NEGR1: variants seen among roughly 807,000 people sequenced by gnomAD.
The protein encoded by NEGR1 is neuronal growth regulator 1.
Under a neutral mutation model 40.9 loss-of-function variants are expected in NEGR1, and 10 were observed. The observed-to-expected ratio is 0.24, with a 90% CI of 0.15 to 0.42. The LOEUF is 0.42. Among genes scored for constraint, NEGR1 ranks in the 10% least tolerant of loss-of-function variants. The probability of loss-of-function intolerance (pLI) is 1.00; values close to 1 mark genes in which losing one functional copy is unlikely to be tolerated. For missense variants in NEGR1, 352 were observed against 438.9 expected, an observed-to-expected ratio of 0.80 and a Z score of 1.77; for synonymous variants, 185 against 166.8, an observed-to-expected ratio of 1.11 and a Z score of -0.84.
At chr1:72,248,415 G>A (rs957564334) in intron 1 of NEGR1, among the ~76,000 whole-genome samples, 3 of 151,528 alleles carry the variant, frequency 2.0e-5, no homozygotes, top group Admixed American at 6.6e-5. Context: ...TTGTCACCAC[G>A]CCTGGCTAAT....
At chr1:72,229,521 CA>C (rs1425060711) in intron 1 of NEGR1, among the ~76,000 whole-genome samples, 1 of 148,972 alleles carries the variant, frequency 6.7e-6, no homozygotes, top group Admixed American at 6.7e-5. Context: ...ATTTTTATTG[CA>C]AAAACAGCAT....
intron 1 of NEGR1, among the ~76,000 whole-genome samples, chr1:71,997,052 T>G (rs72680844): frequency 2.5e-4 from 38 of 152,082 alleles, no homozygotes; most frequent in Non-Finnish European, 1.8e-4. Flanking sequence ...ACAGTATTAA[T>G]GTCACCTCTA....
chr1:72,183,301 G>T (rs1342248076), intron 1 of NEGR1, among the ~76,000 whole-genome samples: 28 of 152,030 alleles, frequency 1.8e-4, no homozygotes, highest in Admixed American at 1.8e-3. Context: ...TGAGCATAGG[G>T]GTACTAGAAC....
At chr1:71,935,504 T>A (rs1047795051) in intron 1 of NEGR1, among the ~76,000 whole-genome samples, 193 bp from the exon 2 acceptor site, 1 of 148,626 alleles carries the variant, frequency 6.7e-6, no homozygotes, top group Non-Finnish European at 1.5e-5. Context: ...AATACTTGTG[T>A]ACAGTTTTTT....
chr1:71,847,210 G>A (rs896975019), intron 2 of NEGR1, among the ~76,000 whole-genome samples: 2 of 152,142 alleles, frequency 1.3e-5, no homozygotes, highest in Non-Finnish European at 1.5e-5. Context: ...GCTGTGTTGA[G>A]ATGAACTGTT....
intron 4 of NEGR1, among the ~76,000 whole-genome samples, chr1:71,689,009 C>A (rs1182412408): frequency 6.6e-6 from 1 of 152,080 alleles, no homozygotes; most frequent in Non-Finnish European, 1.5e-5. Context: ...TTCCAAATCC[C>A]ATTTTTGTCA....
chr1:72,070,672 T>C (rs1647424070), intron 1 of NEGR1, among the ~76,000 whole-genome samples: 1 of 151,968 alleles, frequency 6.6e-6, no homozygotes, highest in African/African-American at 2.4e-5. Context: ...TGAACATTAG[T>C]ATTGGCAATC....
chr1:72,129,367 C>CA (rs1650153508), intron 1 of NEGR1, among the ~76,000 whole-genome samples: 1 of 151,994 alleles, frequency 6.6e-6, no homozygotes, highest in African/African-American at 2.4e-5. Context: ...ATGCTAATGG[C>CA]AATATATAAC....
chr1:71,826,153 T>C (rs1658615342), intron 2 of NEGR1, among the ~76,000 whole-genome samples: 1 of 151,920 alleles, frequency 6.6e-6, no homozygotes, highest in African/African-American at 2.4e-5. Flanking sequence ...ATTGTTTGGA[T>C]TTTAGTTTCT....
At chr1:71,688,834 G>C (rs557305618) in intron 4 of NEGR1, among the ~76,000 whole-genome samples, 18 of 152,072 alleles carry the variant, frequency 1.2e-4, no homozygotes, top group Non-Finnish European at 1.5e-4. Context: ...AGTCATTCTT[G>C]TTGTTTTAAA....
intron 2 of NEGR1, among the ~76,000 whole-genome samples, chr1:71,835,625 G>A (rs1390771382): frequency 1.3e-5 from 2 of 152,018 alleles, no homozygotes; most frequent in South Asian, 4.1e-4. Flanking sequence ...TGTATATCAA[G>A]AAGTAATCAC....
intron 3 of NEGR1, among the ~76,000 whole-genome samples, chr1:71,734,580 A>T (rs1333967851): frequency 6.6e-6 from 1 of 152,134 alleles, no homozygotes; most frequent in Non-Finnish European, 1.5e-5. Flanking sequence ...AATTTTACTA[A>T]AGTAAAAATA....
intron 1 of NEGR1, among the ~76,000 whole-genome samples, chr1:71,937,776 G>A (rs1324027635): frequency 6.6e-6 from 1 of 152,124 alleles, no homozygotes; most frequent in African/African-American, 2.4e-5. Context: ...ACCTGTCCTA[G>A]TATAAAGGAA....
intron 1 of NEGR1, among the ~76,000 whole-genome samples, chr1:72,194,670 C>A (rs1251680768): frequency 6.6e-6 from 1 of 151,986 alleles, no homozygotes; most frequent in Non-Finnish European, 1.5e-5. Context: ...ATGTGAAGAT[C>A]TAGAAAGGAT....
chr1:72,035,912 C>T (rs1646897742), intron 1 of NEGR1, among the ~76,000 whole-genome samples: 1 of 152,030 alleles, frequency 6.6e-6, no homozygotes, highest in Non-Finnish European at 1.5e-5. Flanking sequence ...TCATATTTCC[C>T]CTTTCAGTTA....
intron 2 of NEGR1, among the ~76,000 whole-genome samples, chr1:71,822,245 C>G (rs1191699136): frequency 6.6e-6 from 1 of 151,800 alleles, no homozygotes; most frequent in African/African-American, 2.4e-5. Flanking sequence ...CTGTCACAGA[C>G]AAGGATGAAT....
At chr1:71,713,442 A>C (rs1654173154) in intron 3 of NEGR1, among the ~76,000 whole-genome samples, 1 of 152,218 alleles carries the variant, frequency 6.6e-6, no homozygotes, top group Admixed American at 6.5e-5. Flanking sequence ...AGGGAAATAT[A>C]CTTTTGATGT....
intron 6 of NEGR1, among the ~76,000 whole-genome samples, chr1:71,474,517 TACACACACACACACACACAC>T (rs57225665): frequency 8.7e-6 from 1 of 115,454 alleles, no homozygotes; most frequent in South Asian, 3.4e-4. Context: ...CTACTAACAA[TACACACACACACACACACAC>T]ACACACACAC....
At chr1:71,434,873 C>T (rs551767782) in intron 6 of NEGR1, among the ~76,000 whole-genome samples, 97 of 152,224 alleles carry the variant, frequency 6.4e-4, no homozygotes, top group South Asian at 2.1e-4. Context: ...GGGCGGATCA[C>T]GAGGTCAGGA....
Sources: gnomAD v4.1 joint callset for allele counts (sites outside exome capture counted in the v4.1 genomes callset) on GRCh38, gnomAD v4.1.1 for gene constraint, MANE v1.5 for transcripts, NCBI Gene and HGNC (gene_info 2026-07-23, HGNC 2026-07-21) for gene names.